The following BMP5 variants were observed in gnomAD, a reference collection of about 807,000 sequenced individuals.
BMP5 encodes the protein bone morphogenetic protein 5.
BMP5 carries 23 observed loss-of-function variants against 46.6 expected under a neutral mutation model. The observed-to-expected ratio is 0.49, with a 90% CI of 0.35 to 0.70. The LOEUF (loss-of-function observed/expected upper bound fraction) is 0.70. Ranked by LOEUF, BMP5 falls within the 30% of genes least tolerant of loss-of-function variation. The probability of loss-of-function intolerance (pLI) is 0.00; values close to 1 mark genes in which losing one functional copy is unlikely to be tolerated. For missense variants in BMP5, 545 were observed against 565.6 expected (o/e 0.96, Z 0.37); for synonymous variants, 204 against 191.9 (o/e 1.06, Z -0.52).
At chr6:55,822,941 CAT>C (rs1196324359) in intron 1 of BMP5, among the ~76,000 whole-genome samples, 4 of 152,054 alleles carry the variant, frequency 2.6e-5, no homozygotes, top group African/African-American at 9.7e-5. Context: ...TGCTTTGAAT[CAT>C]AATTGCAACA....
rs1346013081 is a variant in BMP5, at chr6:55,760,502, A to G, written c.1059T>C (p.Cys353=). 4.3e-6 allele frequency: 7 copies of G among 1,613,204 alleles called. No individual in the cohort carries two copies. Among genetic ancestry groups the G allele is most frequent in the Non-Finnish European group, 5.1e-6 (6 of 1,179,346 alleles). The change falls in exon 5 of 7, where the codon TGT becomes TGC. Residue 353 remains cysteine, a synonymous_variant. Coordinates refer to ENST00000370830, the MANE Select transcript of BMP5 (RefSeq NM_021073.4). ...DYNTSEQKQA[C]KKHELYVSFR... ...AGCTCACATAGAGTTCGTGCTTCTT[A>G]CAGGCTTGTTTTTGCTCACTTGTGT...
chr6:55,789,792 A>G (rs1582066511), intron 3 of BMP5, among the ~76,000 whole-genome samples: 1 of 152,256 alleles, frequency 6.6e-6, no homozygotes, highest in African/African-American at 2.4e-5. Flanking sequence ...AGAAGCGGCA[A>G]TATATTTTTT....
rs1363873379 is a variant in BMP5, at chr6:55,780,476, AAG to A, written c.833-6235_833-6234del. Reference sequence around the variant, plus strand: ...ACTACTAAAAAAAAAAAAAAAAAGAAAGAAAGAAAGAAAGAAAGAAAGAAACG... The same window carrying A: ...ACTACTAAAAAAAAAAAAAAAAAGAAAAAGAAAGAAAGAAAGAAAGAAACG... On this transcript the variant is annotated intron_variant, in intron 3 of 6. Coordinates refer to ENST00000370830, the MANE Select transcript of BMP5 (RefSeq NM_021073.4). Among the ~76,000 whole-genome samples the A allele has an allele frequency of 4.4e-3, 605 of 137,218 alleles. 11 individuals carry two copies. The highest frequency in any genetic ancestry group is 6.3e-3 in the Non-Finnish European group (403 of 64,282). 90.0% of individuals were successfully genotyped at this position (137,218 alleles called of 152,430 possible).
At chr6:55,779,705 C>T (rs1051413000) in intron 3 of BMP5, among the ~76,000 whole-genome samples, 50 of 151,944 alleles carry the variant, frequency 3.3e-4, no homozygotes, top group Non-Finnish European at 7.2e-4. Context: ...AATCTAGCTA[C>T]AAATTTCAAC....
At chr6:55,781,239 G>A (rs1257833329) in intron 3 of BMP5, among the ~76,000 whole-genome samples, 1 of 152,098 alleles carries the variant, frequency 6.6e-6, no homozygotes, top group African/African-American at 2.4e-5. Context: ...ACAAAATCAT[G>A]AGAACAGTGA....
At chr6:55,837,110 G>A (rs1188201241) in intron 1 of BMP5, among the ~76,000 whole-genome samples, 1 of 150,966 alleles carries the variant, frequency 6.6e-6, no homozygotes, top group African/African-American at 2.4e-5. Context: ...GGAGTGCAGT[G>A]GCGCGATCAC....
intron 1 of BMP5, among the ~76,000 whole-genome samples, chr6:55,841,065 A>G (rs1010313125): frequency 1.3e-5 from 2 of 152,158 alleles, no homozygotes; most frequent in Non-Finnish European, 2.9e-5. Flanking sequence ...CCTATTTTTA[A>G]CTGTGCATGC....
At chr6:55,863,022 G>C (rs1441003484) in intron 1 of BMP5, among the ~76,000 whole-genome samples, 1 of 152,174 alleles carries the variant, frequency 6.6e-6, no homozygotes, top group Non-Finnish European at 1.5e-5. Context: ...GAAGGATTCT[G>C]GGCCTGGACC....
At chr6:55,778,826 T>G (rs1414840959) in intron 3 of BMP5, among the ~76,000 whole-genome samples, 1 of 151,996 alleles carries the variant, frequency 6.6e-6, no homozygotes, top group African/African-American at 2.4e-5. Context: ...ACTACTAAAT[T>G]TTGTCATAAT....
chr6:55,764,389 C>A (rs1383449535), intron 4 of BMP5, among the ~76,000 whole-genome samples: 2 of 151,932 alleles, frequency 1.3e-5, no homozygotes, highest in Non-Finnish European at 2.9e-5. Flanking sequence ...CTGGCTAACA[C>A]GGTGAAACCC....
At position 55,794,552 on chromosome 6, in the gene BMP5, G is replaced by A. The variant is rs1037054635; in HGVS notation, c.684-125C>T. On this transcript the variant is annotated intron_variant, in intron 2 of 6. Transcript: ENST00000370830. ...ACAGCAGTTAGTTAAAGAACAAGAG[G>A]AACAAGTGACTCAAGTGATGAGTAA... is the stretch of plus-strand genomic sequence containing the variant. 1.1e-5 allele frequency: 10 copies of A among 927,484 alleles called. No homozygotes were observed. The Admixed American group carries it at 2.0e-4, about 19-fold the overall frequency. 57.5% of individuals were successfully genotyped at this position (927,484 alleles called of 1,614,324 possible). A position where few individuals can be genotyped will look rare whatever the true frequency, so the allele number is the denominator to read the frequency against.
chr6:55,846,840 ATT>A (rs568662388), intron 1 of BMP5, among the ~76,000 whole-genome samples: 1 of 150,998 alleles, frequency 6.6e-6, no homozygotes, highest in Admixed American at 6.6e-5. Flanking sequence ...ATATTTAATA[ATT>A]TTTTATTCTT....
chr6:55,854,448 A>AT (rs1166577648), intron 1 of BMP5, among the ~76,000 whole-genome samples: 1 of 151,700 alleles, frequency 6.6e-6, no homozygotes, highest in Non-Finnish European at 1.5e-5. Flanking sequence ...TTTATACTGT[A>AT]TTTTTTTCTT....
intron 1 of BMP5, among the ~76,000 whole-genome samples, chr6:55,835,657 C>A (rs1364314041): frequency 1.3e-5 from 2 of 152,198 alleles, no homozygotes; most frequent in Non-Finnish European, 2.9e-5. Context: ...ACTTTTCCTT[C>A]TCCCTCTGTC....
intron 4 of BMP5, among the ~76,000 whole-genome samples, chr6:55,770,689 C>T (rs534180279): frequency 9.9e-5 from 15 of 152,028 alleles, no homozygotes; most frequent in African/African-American, 1.7e-4. Flanking sequence ...CCTCAATAAG[C>T]GTAATCATTA....
At chr6:55,788,117 T>A (rs1457953259) in intron 3 of BMP5, among the ~76,000 whole-genome samples, 1 of 151,706 alleles carries the variant, frequency 6.6e-6, no homozygotes, top group Non-Finnish European at 1.5e-5. Flanking sequence ...ATAGGTTTAT[T>A]AACTCAAATA....
At chr6:55,860,414 T>C (rs1777503547) in intron 1 of BMP5, among the ~76,000 whole-genome samples, 1 of 152,204 alleles carries the variant, frequency 6.6e-6, no homozygotes, top group Non-Finnish European at 1.5e-5. Context: ...TGTTTTATCA[T>C]ATGTCAATGA....
intron 5 of BMP5, 56 bp from the exon 6 acceptor site, chr6:55,759,171 A>AAAAAAAAAAAC: frequency 1.2e-6 from 1 of 829,912 alleles, no homozygotes. Context: ...AAAAAAAAAA[A>AAAAAAAAAAAC]AAAAAAAAAA....
chr6:55,822,301 C>T (rs1776427750), intron 1 of BMP5, among the ~76,000 whole-genome samples: 1 of 152,090 alleles, frequency 6.6e-6, no homozygotes, highest in Admixed American at 6.6e-5. Flanking sequence ...AGTTTGTTTT[C>T]AAGCTCTTTT....
Sources: gnomAD v4.1 joint callset for allele counts (sites outside exome capture counted in the v4.1 genomes callset) on GRCh38, gnomAD v4.1.1 for gene constraint, MANE v1.5 for transcripts, NCBI Gene and HGNC (gene_info 2026-07-23, HGNC 2026-07-21) for gene names.